The following SCRT2 variants were observed in gnomAD, a reference collection of about 807,000 sequenced individuals.
SCRT2 encodes the protein scratch family transcriptional repressor 2.
In SCRT2, 2 loss-of-function variants were observed where a neutral mutation model predicts 3.7. The observed-to-expected ratio is 0.54, with a 90% CI of 0.22 to 1.70. SCRT2 has a LOEUF of 1.70. Ranked by LOEUF, SCRT2 falls within the 40% of genes most tolerant of loss-of-function variation. The pLI is 0.19. For synonymous variants in SCRT2, 256 were observed against 220.6 expected, an observed-to-expected ratio of 1.16 and a Z score of -1.42; for missense variants, 456 against 468.5, an observed-to-expected ratio of 0.97 and a Z score of 0.25.
At position 665,374 on chromosome 20, in the gene SCRT2, G is replaced by A. The variant is rs1192693204; in HGVS notation, c.134-913C>T. ...AGCATTTAACAGGGGTCAAGTGTGT[G>A]GCATGTAATAGGTGCTACAGAAAGG... On this transcript the variant is annotated intron_variant, in intron 1 of 1. Coordinates refer to ENST00000246104, the MANE Select transcript of SCRT2 (RefSeq NM_033129.4). The surrounding 1 kb of genome is among the most constrained non-coding windows in gnomAD (Gnocchi z 5.0). Among the ~76,000 whole-genome samples the A allele has an allele frequency of 2.0e-5, 3 of 152,184 alleles. No individual in the cohort carries two copies. The highest frequency in any genetic ancestry group is 7.2e-5 in the African/African-American group (3 of 41,442).
chr20:667,072 G>A lies in SCRT2; in HGVS notation c.134-2611C>T, dbSNP rs1369755559. Among the ~76,000 whole-genome samples, 1 of 152,154 alleles carries A rather than the reference G, an allele frequency of 6.6e-6. No individual in the cohort carries two copies. ...CTACCATTCCCAGCAGTGTGACCTT[G>A]GCCAAACGATTTGGCCTCTGTGTGA... On this transcript the variant is annotated intron_variant, in intron 1 of 1. Coordinates refer to ENST00000246104, the MANE Select transcript of SCRT2 (RefSeq NM_033129.4). The surrounding 1 kb of genome is among the most constrained non-coding windows in gnomAD (Gnocchi z 4.4).
rs2122343183 is a variant in SCRT2, at chr20:664,642, ATCGACGGCAGT to A, written c.134-192_134-182del. On this transcript the variant is annotated intron_variant, in intron 1 of 1. Transcript: ENST00000246104. This position sits in a 1 kb window ranked among gnomAD's most constrained non-coding sequence, Gnocchi z 7.9. ...CAGCCTGGGTTCAATTCCTTCCTCC[ATCGACGGCAGT>A]GCAAATAGCCGCCACCCCAACCCAC... Among the ~76,000 whole-genome samples, 1 of 152,244 alleles carries A rather than the reference ATCGACGGCAGT, an allele frequency of 6.6e-6. No individual in the cohort carries two copies. Among genetic ancestry groups the A allele is most frequent in the African/African-American group, 2.4e-5 (1 of 41,552 alleles).
In SCRT2 at chr20:667,690, C is replaced by T. The variant is rs934344796; in HGVS notation, c.134-3229G>A. Among the ~76,000 whole-genome samples the T allele has an allele frequency of 6.6e-6, 1 of 152,116 alleles. No individual in the cohort carries two copies. The highest frequency in any genetic ancestry group is 6.5e-5 in the Admixed American group (1 of 15,268). Reference sequence around the variant, plus strand: ...AGGGGTGCCTTCAACAAAGGCTGCTCATTTGCCTAGGGAGGGCTGCAGAAG... The same window carrying T: ...AGGGGTGCCTTCAACAAAGGCTGCTTATTTGCCTAGGGAGGGCTGCAGAAG... On this transcript the variant is annotated intron_variant, in intron 1 of 1. Coordinates refer to ENST00000246104, the MANE Select transcript of SCRT2 (RefSeq NM_033129.4). This position sits in a 1 kb window ranked among gnomAD's most constrained non-coding sequence, Gnocchi z 4.4.
In SCRT2 at chr20:667,172, C is replaced by T. The variant is rs1298527513; in HGVS notation, c.134-2711G>A. Among the ~76,000 whole-genome samples the T allele has an allele frequency of 6.6e-6, 1 of 152,184 alleles. No homozygotes were observed. The highest frequency in any genetic ancestry group is 6.5e-5 in the Admixed American group (1 of 15,278). On this transcript the variant is annotated intron_variant, in intron 1 of 1. Transcript: ENST00000246104. This position sits in a 1 kb window ranked among gnomAD's most constrained non-coding sequence, Gnocchi z 4.4. ...GATAACCAGCACTCTCAGAGCACTC[C>T]TGTGTCAGGCACTCTTACAAGGGCT...
chr20:672,502 T>C (rs1984372743), intron 1 of SCRT2, among the ~76,000 whole-genome samples: 1 of 151,942 alleles, frequency 6.6e-6, no homozygotes, highest in South Asian at 2.1e-4. Flanking sequence ...TTCCCAGAGC[T>C]GGGGTACACC....
At position 674,250 on chromosome 20, in the gene SCRT2, TC is replaced by T. The variant is rs1407781933; in HGVS notation, c.133+1218del. On this transcript the variant is annotated intron_variant, in intron 1 of 1. Coordinates refer to ENST00000246104, the MANE Select transcript of SCRT2 (RefSeq NM_033129.4). ...GGAATGTGGGTGAAGTGCTTGGAAA[TC>T]CCAGAGGTGGAAGCCCCCATCCTCC... Among the ~76,000 whole-genome samples, 8 of 152,120 alleles carry T rather than the reference TC, an allele frequency of 5.3e-5. No homozygotes were observed. In the East Asian group the frequency reaches 1.5e-3, roughly 29 times the overall value.
In SCRT2 at chr20:663,754, A is replaced by C. The variant is rs771782325; in HGVS notation, c.841T>G (p.Ser281Ala). Reference sequence around the variant, plus strand: ...GCCTCGCAGTGCTTGTGGAGGTAGGACTTGAGCGCGAAGCTCTTGTCGCAC... The same window carrying C: ...GCCTCGCAGTGCTTGTGGAGGTAGGCCTTGAGCGCGAAGCTCTTGTCGCAC... ...RQCDKSFALK[S>A]YLHKHCEAAC... is the part of the protein sequence containing the mutation. Residue 281 changes from serine (S) to alanine (A), a missense_variant, in exon 2 of 2, where the codon TCC (serine) becomes GCC (alanine). Around this residue, in one of 3 missense-constraint regions of SCRT2, gnomAD observed 144 missense variants for 141.9 expected, o/e 1.01. Coordinates refer to ENST00000246104, the MANE Select transcript of SCRT2 (RefSeq NM_033129.4). The surrounding 1 kb of genome is among the most constrained non-coding windows in gnomAD (Gnocchi z 6.9). 6.3e-7 allele frequency: 1 copy of C among 1,576,566 alleles called. No homozygotes were observed. The highest frequency in any genetic ancestry group is 8.6e-7 in the Non-Finnish European group (1 of 1,163,820).
Position 664,708 on chromosome 20 carries a change from G to C in SCRT2, c.134-247C>G, listed in dbSNP as rs1192074985. Among the ~76,000 whole-genome samples, 1 of 152,210 alleles carries C rather than the reference G, an allele frequency of 6.6e-6. No individual in the cohort carries two copies. The highest frequency in any genetic ancestry group is 1.5e-5 in the Non-Finnish European group (1 of 68,034). The stretch of plus-strand genomic sequence containing the variant: ...CATGGGGCCAGCACGGTTGTACAGA[G>C]CGTACCTTCACTATCCAGTGCTCAC... On this transcript the variant is annotated intron_variant, in intron 1 of 1. Transcript: ENST00000246104. The surrounding 1 kb of genome is among the most constrained non-coding windows in gnomAD (Gnocchi z 7.9).
rs1177187374 is a variant in SCRT2 at position 666,613 on chromosome 20, C to T, written c.134-2152G>A. On this transcript the variant is annotated intron_variant, in intron 1 of 1. Transcript: ENST00000246104. The surrounding 1 kb of genome is among the most constrained non-coding windows in gnomAD (Gnocchi z 4.4). ...TGGAGCAAGGATTGGAATCCACTGC[C>T]CCCTTGGTTTCCCACATACTGGGAG... Among the ~76,000 whole-genome samples, 1 of 152,190 alleles carries T rather than the reference C, an allele frequency of 6.6e-6. No individual in the cohort carries two copies. The highest frequency in any genetic ancestry group is 6.5e-5 in the Admixed American group (1 of 15,280).
intron 1 of SCRT2, among the ~76,000 whole-genome samples, chr20:674,233 G>T (rs944859495): frequency 6.6e-6 from 1 of 151,936 alleles, no homozygotes; most frequent in Non-Finnish European, 1.5e-5. Flanking sequence ...ATGGAATGTG[G>T]GTGAAGTGCT....
Position 666,057 on chromosome 20 carries a change from G to T in SCRT2, c.134-1596C>A, listed in dbSNP as rs980943412. On this transcript the variant is annotated intron_variant, in intron 1 of 1. Transcript: ENST00000246104. The surrounding 1 kb of genome is among the most constrained non-coding windows in gnomAD (Gnocchi z 4.4). ...AAGTCTGTGTGCCCCTGAAGGCAAGGGTGTGCCCTTATTTTTACCTCTGTC... is the reference window on the plus strand; with the variant it reads ...AAGTCTGTGTGCCCCTGAAGGCAAGTGTGTGCCCTTATTTTTACCTCTGTC... 6.6e-6 allele frequency among the ~76,000 whole-genome samples: 1 copy of T among 152,204 alleles called. No homozygotes were observed. Among genetic ancestry groups the T allele is most frequent in the African/African-American group, 2.4e-5 (1 of 41,446 alleles).
chr20:672,396 TG>T (rs1984363924), intron 1 of SCRT2, among the ~76,000 whole-genome samples: 3 of 70,916 alleles, frequency 4.2e-5, no homozygotes, highest in Non-Finnish European at 3.5e-5. Flanking sequence ...CTCGTGTGTG[TG>T]TGTGTGTGTG....
rs941144395 is a variant in SCRT2, at chr20:665,232, C to T, written c.134-771G>A. 3.3e-5 allele frequency among the ~76,000 whole-genome samples: 5 copies of T among 152,218 alleles called. No individual in the cohort carries two copies. Among genetic ancestry groups the T allele is most frequent in the African/African-American group, 9.7e-5 (4 of 41,442 alleles). On this transcript the variant is annotated intron_variant, in intron 1 of 1. Transcript: ENST00000246104. The surrounding 1 kb of genome is among the most constrained non-coding windows in gnomAD (Gnocchi z 5.0). ...GTTTCCTCCCCCACCACACTGTGAG[C>T]TCCCCATGGTTGGATCTGTGTGCCC...
chr20:670,192 T>C (rs756337996), intron 1 of SCRT2, among the ~76,000 whole-genome samples: 1 of 152,166 alleles, frequency 6.6e-6, no homozygotes, highest in Non-Finnish European at 1.5e-5. Flanking sequence ...AGGGTCTTCA[T>C]TTGCCCAGCC....
chr20:670,817 C>G (rs1465802835), intron 1 of SCRT2, among the ~76,000 whole-genome samples: 1 of 152,172 alleles, frequency 6.6e-6, no homozygotes, highest in East Asian at 1.9e-4. Context: ...ACGTCCCTCT[C>G]GTAACCCCAG....
chr20:674,399 T>TCACA (rs57092015), intron 1 of SCRT2, among the ~76,000 whole-genome samples: 1,130 of 106,724 alleles, frequency 0.011, 16 homozygotes, highest in South Asian at 0.036. Context: ...TCTCTCTCTC[T>TCACA]CACACACACA....
rs1009703563 is a variant in SCRT2 at position 664,152 on chromosome 20, TGCGCCCCCGC to T, written c.433_442del (p.Ala145ArgfsTer23). ...CGCGTGCCGGTGCCCGCCGCCCGCC[TGCGCCCCCGC>T]GCGCCCCGCGCGCCCCCCGGCGCCC... On this transcript the variant is annotated frameshift_variant, in exon 2 of 2. Coordinates refer to ENST00000246104, the MANE Select transcript of SCRT2 (RefSeq NM_033129.4). LOFTEE classifies it low-confidence loss of function (END_TRUNC). This position sits in a 1 kb window ranked among gnomAD's most constrained non-coding sequence, Gnocchi z 7.9. The T allele has an allele frequency of 7.8e-7, 1 of 1,277,688 alleles. No individual in the cohort carries two copies. The highest frequency in any genetic ancestry group is 9.9e-7 in the Non-Finnish European group (1 of 1,006,314). The allele number at this position is 1,277,688 out of a possible 1,614,324, so 79.1% of individuals were successfully genotyped here.
chr20:673,425 C>A (rs1984409261), intron 1 of SCRT2, among the ~76,000 whole-genome samples: 1 of 152,244 alleles, frequency 6.6e-6, no homozygotes, highest in East Asian at 1.9e-4. Flanking sequence ...GAAGGGAAGG[C>A]ACTTGCCCAA....
chr20:671,825 G>C (rs1984341995), intron 1 of SCRT2, among the ~76,000 whole-genome samples: 1 of 152,202 alleles, frequency 6.6e-6, no homozygotes, highest in South Asian at 2.1e-4. Context: ...GAGGGCAGGA[G>C]GGCAGGACAG....
Sources: gnomAD v4.1 joint callset for allele counts (sites outside exome capture counted in the v4.1 genomes callset) on GRCh38, gnomAD v4.1.1 for gene constraint, gnomAD v4.1.1 regional missense constraint, Gnocchi (gnomAD v3.1) non-coding constraint, MANE v1.5 for transcripts, NCBI Gene and HGNC (gene_info 2026-07-23, HGNC 2026-07-21) for gene names.